Variants in CENPP observed in about 807,000 individuals in gnomAD.
The protein encoded by CENPP is centromere protein P.
In CENPP, 24 loss-of-function variants were observed where a neutral mutation model predicts 35.6. The observed-to-expected ratio is 0.67, with a 90% CI of 0.49 to 0.95. The LOEUF (loss-of-function observed/expected upper bound fraction) is 0.95. Among genes scored for constraint, CENPP ranks in the 40% least tolerant of loss-of-function variants. The pLI, the probability that CENPP is intolerant of heterozygous loss-of-function variation, is 0.00. For missense variants in CENPP, 332 were observed against 345.3 expected (o/e 0.96, Z 0.31); for synonymous variants, 120 against 125.5 (o/e 0.96, Z 0.29).
chr9:92,512,210 CAA>C (rs1847393583), intron 5 of CENPP: 3 of 779,984 alleles, frequency 3.8e-6, no homozygotes, highest in Non-Finnish European at 6.2e-6. Context: ...GCATAGATAT[CAA>C]GAGAGAGCTT....
chr9:92,397,301 C>T (rs1842930575), intron 5 of CENPP, among the ~76,000 whole-genome samples: 1 of 152,124 alleles, frequency 6.6e-6, no homozygotes, highest in Non-Finnish European at 1.5e-5. Flanking sequence ...TCAGCTATCT[C>T]TTCAGAAAGC....
At position 92,353,873 on chromosome 9, in the gene CENPP, T is replaced by C. The variant is rs142327844; in HGVS notation, c.467+8086T>C. ...GCTATGGAAGAAACAGTACCATATATTGGATGCTGATTCAGAGCATACATG... is the reference window on the plus strand; with the variant it reads ...GCTATGGAAGAAACAGTACCATATACTGGATGCTGATTCAGAGCATACATG... On this transcript the variant is annotated intron_variant, in intron 4 of 7. Coordinates refer to ENST00000375587, the MANE Select transcript of CENPP (RefSeq NM_001012267.3). 7.7e-3 allele frequency among the ~76,000 whole-genome samples: 1,174 copies of C among 152,272 alleles called. 18 individuals carry two copies. Among genetic ancestry groups the C allele is most frequent in the African/African-American group, 0.026 (1,099 of 41,556 alleles).
intron 5 of CENPP, among the ~76,000 whole-genome samples, chr9:92,405,890 G>A (rs1486329651): frequency 2.6e-5 from 4 of 152,200 alleles, no homozygotes; most frequent in Admixed American, 6.5e-5. Flanking sequence ...TCTGTGCCAG[G>A]ACTTCAGACA....
At chr9:92,584,180 A>G (rs1331869680) in intron 5 of CENPP, among the ~76,000 whole-genome samples, 1 of 152,198 alleles carries the variant, frequency 6.6e-6, no homozygotes, top group Non-Finnish European at 1.5e-5. Flanking sequence ...CTGCAGCAAT[A>G]CAAATTACTT....
At chr9:92,612,641 G>C in intron 7 of CENPP, 27 bp downstream of exon 7, 4 of 1,568,570 alleles carry the variant, frequency 2.6e-6, no homozygotes, top group Non-Finnish European at 2.6e-6. Context: ...GGCTGCTCTA[G>C]GTGACTTCTC....
chr9:92,460,744 T>C (rs1845077812), intron 5 of CENPP, among the ~76,000 whole-genome samples: 1 of 152,198 alleles, frequency 6.6e-6, no homozygotes, highest in Admixed American at 6.5e-5. Flanking sequence ...TGCCGTGATA[T>C]CAGCTTACTG....
chr9:92,501,107 G>A (rs887344082), intron 5 of CENPP: 1 of 1,553,986 alleles, frequency 6.4e-7, no homozygotes, highest in Non-Finnish European at 8.8e-7. Context: ...GTGATCATCA[G>A]CTCTAAATTT....
intron 5 of CENPP, among the ~76,000 whole-genome samples, chr9:92,555,640 T>C (rs541649613): frequency 4.6e-5 from 7 of 152,320 alleles, no homozygotes; most frequent in African/African-American, 1.7e-4. Context: ...TTCCAGGAAC[T>C]TATTCATCTC....
At chr9:92,558,290 G>C (rs1849770912) in intron 5 of CENPP, among the ~76,000 whole-genome samples, 3 of 152,162 alleles carry the variant, frequency 2.0e-5, no homozygotes, top group Admixed American at 1.3e-4. Flanking sequence ...GGAAGGTCTA[G>C]GGCTGAAGGC....
At position 92,464,916 on chromosome 9, in the gene CENPP, A is replaced by G. The variant is rs1470424808; in HGVS notation, c.564+85057A>G. The G allele has an allele frequency of 3.8e-6, 6 of 1,585,808 alleles. No individual in the cohort carries two copies. In the Admixed American group the frequency reaches 6.7e-5, roughly 18 times the overall value. On this transcript the variant is annotated intron_variant, in intron 5 of 7. Coordinates refer to ENST00000375587, the MANE Select transcript of CENPP (RefSeq NM_001012267.3). ...CCATATCTTAGATAAAGTAAATACA[A>G]ACCTTTAGGAACTGAGGTCAGTTTT... is the stretch of plus-strand genomic sequence containing the variant.
chr9:92,512,180 A>G, intron 5 of CENPP: 3 of 1,178,550 alleles, frequency 2.5e-6, no homozygotes, highest in East Asian at 2.4e-5. Flanking sequence ...ATACATGTAC[A>G]CACATGTATG....
intron 5 of CENPP, among the ~76,000 whole-genome samples, chr9:92,604,617 G>A (rs1851022055): frequency 6.6e-6 from 1 of 152,020 alleles, no homozygotes; most frequent in African/African-American, 2.4e-5. Context: ...TTTTTGAGAT[G>A]GAGTTTTGCT....
At chr9:92,469,693 C>A (rs1171301565) in intron 5 of CENPP, among the ~76,000 whole-genome samples, 1 of 152,128 alleles carries the variant, frequency 6.6e-6, no homozygotes, top group Non-Finnish European at 1.5e-5. Flanking sequence ...TGGCTTACCA[C>A]CTCAGATGAT....
intron 5 of CENPP, among the ~76,000 whole-genome samples, chr9:92,565,586 G>A (rs1849949588): frequency 6.6e-6 from 1 of 152,160 alleles, no homozygotes; most frequent in South Asian, 2.1e-4. Flanking sequence ...AAATATCAGA[G>A]ATTTGTGCTC....
intron 5 of CENPP, among the ~76,000 whole-genome samples, chr9:92,479,510 G>C (rs1411062640): frequency 6.6e-6 from 1 of 152,104 alleles, no homozygotes; most frequent in Admixed American, 6.5e-5. Context: ...GTTCCTCCTG[G>C]TGGTGAAGGT....
At position 92,542,929 on chromosome 9, in the gene CENPP, A is replaced by G. The variant is rs550748855; in HGVS notation, c.565-68385A>G. On this transcript the variant is annotated intron_variant, in intron 5 of 7. Transcript: ENST00000375587. ...TAAGGATCTAACTTCATTCTTTTACATGTGGATATCCAGTTTTCTCAGCAC... is the reference window on the plus strand; with the variant it reads ...TAAGGATCTAACTTCATTCTTTTACGTGTGGATATCCAGTTTTCTCAGCAC... Among the ~76,000 whole-genome samples, 35 of 152,244 alleles carry G rather than the reference A, an allele frequency of 2.3e-4. 1 individual carries two copies. The Middle Eastern group carries it at 0.01, about 44-fold the overall frequency.
intron 4 of CENPP, among the ~76,000 whole-genome samples, chr9:92,374,775 T>C (rs1329488084): frequency 1.3e-5 from 2 of 152,244 alleles, no homozygotes; most frequent in Non-Finnish European, 2.9e-5. Context: ...ATTATTTACC[T>C]ATGTAACCAT....
chr9:92,411,980 T>C (rs914376112), intron 5 of CENPP, among the ~76,000 whole-genome samples: 1 of 152,232 alleles, frequency 6.6e-6, no homozygotes, highest in African/African-American at 2.4e-5. Flanking sequence ...AGTTGTTTGA[T>C]CTTCTCTTTA....
intron 5 of CENPP, among the ~76,000 whole-genome samples, chr9:92,562,781 A>C (rs1449732579): frequency 6.6e-6 from 1 of 152,204 alleles, no homozygotes; most frequent in African/African-American, 2.4e-5. Flanking sequence ...GCTGTAAACC[A>C]GAGTGACCAC....
Sources: allele counts gnomAD v4.1 joint callset (sites outside exome capture counted in the v4.1 genomes callset), GRCh38; gene constraint gnomAD v4.1.1; transcripts MANE v1.5; gene names NCBI Gene and HGNC (gene_info 2026-07-23, HGNC 2026-07-21).